EPHA4: variants seen among roughly 807,000 people sequenced by gnomAD.
The protein encoded by EPHA4 is ephrin type-A receptor 4.
Under a neutral mutation model 108.3 loss-of-function variants are expected in EPHA4, and 19 were observed. The ratio of observed to expected loss-of-function variants is 0.18; its 90% CI spans 0.12 to 0.26. The LOEUF is 0.26. Ranked by LOEUF, EPHA4 falls within the 10% of genes least tolerant of loss-of-function variation. The pLI is 1.00. For synonymous variants in EPHA4, 449 were observed against 455.5 expected, an observed-to-expected ratio of 0.99 and a Z score of 0.18; for missense variants, 917 against 1,254.0, an observed-to-expected ratio of 0.73 and a Z score of 4.06.
chr2:221,500,382 T>A (rs1167003849), intron 4 of EPHA4, among the ~76,000 whole-genome samples: 1 of 152,162 alleles, frequency 6.6e-6, no homozygotes, highest in African/African-American at 2.4e-5. Context: ...CAAGTGTACA[T>A]GAAAGGAATG....
chr2:221,499,747 TATATATA>T (rs1177097739), intron 4 of EPHA4, among the ~76,000 whole-genome samples: 2,365 of 56,428 alleles, frequency 0.042, 81 homozygotes, highest in African/African-American at 0.055. Flanking sequence ...TATATATATA[TATATATA>T]TATTTTTTTT....
intron 14 of EPHA4, among the ~76,000 whole-genome samples, chr2:221,433,812 C>A (rs925209800): frequency 6.6e-6 from 1 of 152,166 alleles, no homozygotes; most frequent in African/African-American, 2.4e-5. Context: ...TTTTCATAAT[C>A]TTTGCATTTT....
intron 4 of EPHA4, among the ~76,000 whole-genome samples, chr2:221,485,743 A>G (rs1691956500): frequency 1.3e-5 from 2 of 152,096 alleles, no homozygotes; most frequent in South Asian, 4.1e-4. Flanking sequence ...TTTCTCATTT[A>G]AAGGGAGGGC....
At chr2:221,453,033 T>A (rs1349255256) in intron 8 of EPHA4, among the ~76,000 whole-genome samples, 8 of 152,206 alleles carry the variant, frequency 5.3e-5, no homozygotes, top group Non-Finnish European at 1.2e-4. Flanking sequence ...TTCTCATTAC[T>A]CCAGTTTGAC....
At chr2:221,440,915 C>T (rs141445989) in intron 11 of EPHA4, among the ~76,000 whole-genome samples, 1 of 152,114 alleles carries the variant, frequency 6.6e-6, no homozygotes. Flanking sequence ...AAGCGTGATT[C>T]CCATACCAGC....
At chr2:221,441,077 T>C (rs1457042632) in intron 11 of EPHA4, among the ~76,000 whole-genome samples, 3 of 152,176 alleles carry the variant, frequency 2.0e-5, no homozygotes, top group Non-Finnish European at 4.4e-5. Flanking sequence ...CTGAACTGTA[T>C]AGTGTGTACT....
chr2:221,563,713 C>T lies in EPHA4; in HGVS notation c.823+18G>A. On this transcript the variant is annotated intron_variant, in intron 3 of 17. Transcript: ENST00000281821. ...GCACTAAGCCCCAGTGAAAAAACTG[C>T]AATATGGACCCTCTTACCTTGGCAT... 5 of 1,609,368 alleles carry T rather than the reference C, an allele frequency of 3.1e-6. No homozygotes were observed. Among genetic ancestry groups the T allele is most frequent in the Non-Finnish European group, 4.2e-6 (5 of 1,177,118 alleles).
At chr2:221,553,035 G>A (rs927134617) in intron 3 of EPHA4, among the ~76,000 whole-genome samples, 6 of 152,158 alleles carry the variant, frequency 3.9e-5, no homozygotes, top group Non-Finnish European at 8.8e-5. Context: ...CACATCATGA[G>A]GCTAGACAAG....
At position 221,478,297 on chromosome 2, in the gene EPHA4, G is replaced by T. The variant is rs182971208; in HGVS notation, c.1318+4055C>A. Among the ~76,000 whole-genome samples the T allele has an allele frequency of 3.3e-5, 5 of 152,202 alleles. No individual in the cohort carries two copies. In the East Asian group the frequency reaches 9.7e-4, roughly 29 times the overall value. ...TTATACAGTATTTCTCCCTCCTAGT[G>T]ACACATCCTGTATTCATTTGCCTGA... On this transcript the variant is annotated intron_variant, in intron 5 of 17. Coordinates refer to ENST00000281821, the MANE Select transcript of EPHA4 (RefSeq NM_004438.5).
chr2:221,523,875 C>T (rs758723351), intron 3 of EPHA4, among the ~76,000 whole-genome samples: 18 of 152,244 alleles, frequency 1.2e-4, no homozygotes, highest in Middle Eastern at 3.4e-3. Context: ...CATGAGCCAC[C>T]GTGCCCGGCC....
In EPHA4 at chr2:221,436,566, G is replaced by A. The variant is rs1690245918; in HGVS notation, c.2179C>T (p.Leu727Phe). The A allele has an allele frequency of 2.5e-6, 4 of 1,614,142 alleles. No homozygotes were observed. The highest frequency in any genetic ancestry group is 2.5e-6 in the Non-Finnish European group (3 of 1,180,020). The change falls in exon 13 of 18, where the codon CTT (leucine) becomes TTT (phenylalanine). Residue 727 changes from leucine to phenylalanine, a missense_variant. Physicochemically the swap from Leu to Phe is conservative, Grantham distance 22. Around this residue, in one of 3 missense-constraint regions of EPHA4, gnomAD observed 758 missense variants for 1,076.7 expected, o/e 0.70. Transcript: ENST00000281821. ...RFTVIQLVGM[L>F]RGIGSGMKYL... is the part of the protein sequence containing the mutation. ...TTCATCCCAGACCCAATGCCACGAA[G>A]CATGCCCACCAGCTGAATGACTGTA...
rs1470674194 is a variant in EPHA4, at chr2:221,564,338, C to T, written c.216G>A (p.Val72=). Residue 72 remains valine (V), a synonymous_variant, in exon 3 of 18, where the codon GTG becomes GTA. Coordinates refer to ENST00000281821, the MANE Select transcript of EPHA4 (RefSeq NM_004438.5). ...EKNTPIRTYQ[V]CNVMEPSQNN... is the part of the protein sequence containing the mutation. ...TCTGGCTGGGTTCCATCACATTGCA[C>T]ACTTGGTAGGTTCGGATTGGTGTAT... The T allele has an allele frequency of 1.2e-6, 2 of 1,614,024 alleles. No individual in the cohort carries two copies. Among genetic ancestry groups the T allele is most frequent in the Non-Finnish European group, 1.7e-6 (2 of 1,180,040 alleles).
In EPHA4 at chr2:221,498,618, G is replaced by GT. The variant is rs950143702; in HGVS notation, c.979+2398dup. Among the ~76,000 whole-genome samples, 206 of 145,886 alleles carry GT rather than the reference G, an allele frequency of 1.4e-3. 1 individual carries two copies. Among genetic ancestry groups the GT allele is most frequent in the South Asian group, 0.012 (54 of 4,578 alleles). ...GCCTATTTACAGTTTTTCTGTTTTC[G>GT]TTTTTTTTTTTCTAAGACAGGGTCT... is the stretch of plus-strand genomic sequence containing the variant. On this transcript the variant is annotated intron_variant, in intron 4 of 17. Transcript: ENST00000281821.
rs1456303816 is a variant in EPHA4 at position 221,471,683 on chromosome 2, G to C, written c.1318+10669C>G. On this transcript the variant is annotated intron_variant, in intron 5 of 17. Transcript: ENST00000281821. ...ACAATACATCTTTACATAATATAAGGGTTTCTTAAATATATTACCAGCCCC... is the reference window on the plus strand; with the variant it reads ...ACAATACATCTTTACATAATATAAGCGTTTCTTAAATATATTACCAGCCCC... 2.0e-5 allele frequency among the ~76,000 whole-genome samples: 3 copies of C among 151,960 alleles called. 1 individual carries two copies. The highest frequency in any genetic ancestry group is 4.4e-5 in the Non-Finnish European group (3 of 67,980).
At chr2:221,463,989 G>A (rs558095763) in intron 5 of EPHA4, among the ~76,000 whole-genome samples, 3 of 152,288 alleles carry the variant, frequency 2.0e-5, no homozygotes, top group African/African-American at 7.2e-5. Context: ...TGGAGGAGGT[G>A]AGCTAGGAAA....
chr2:221,561,944 C>A (rs1015679405), intron 3 of EPHA4, among the ~76,000 whole-genome samples: 2 of 152,144 alleles, frequency 1.3e-5, no homozygotes, highest in South Asian at 4.1e-4. Context: ...ACGGAAAAGG[C>A]AGAATAATTT....
intron 3 of EPHA4, among the ~76,000 whole-genome samples, chr2:221,519,252 T>C (rs977994440): frequency 6.6e-6 from 1 of 152,084 alleles, no homozygotes; most frequent in Non-Finnish European, 1.5e-5. Context: ...AAGCAGGATA[T>C]AACAAAACAT....
In EPHA4 at chr2:221,482,440, G is replaced by A; in HGVS notation, c.1230C>T (p.Thr410=). 6.2e-7 allele frequency: 1 copy of A among 1,614,116 alleles called. No homozygotes were observed. Among genetic ancestry groups the A allele is most frequent in the Non-Finnish European group, 8.5e-7 (1 of 1,179,980 alleles). ...ITDLLAHTNY[T]FEIWAVNGVS... is the part of the protein sequence containing the mutation. ...CTCCATTCACAGCCCAGATTTCAAA[G>A]GTGTAATTGGTATGAGCTAGGAGGT... The change falls in exon 5 of 18, where the codon ACC becomes ACT. Residue 410 remains threonine (T), a synonymous_variant. Transcript: ENST00000281821.
In EPHA4 at chr2:221,482,365, G is replaced by A. The variant is rs568062183; in HGVS notation, c.1305C>T (p.Thr435=). 130 of 1,602,796 alleles carry A rather than the reference G, an allele frequency of 8.1e-5. No homozygotes were observed. In the South Asian group the frequency reaches 1.4e-3, roughly 17 times the overall value. ...TTCAATTCCTACCTGCTTGGTTGGT[G>A]GTCACAGTGACAGAAACTGATTGGT... ...NPDQSVSVTV[T]TNQAAPSSIA... Residue 435 remains threonine (T), a synonymous_variant, in exon 5 of 18, where the codon ACC becomes ACT. Coordinates refer to ENST00000281821, the MANE Select transcript of EPHA4 (RefSeq NM_004438.5).
Sources: allele counts gnomAD v4.1 joint callset (sites outside exome capture counted in the v4.1 genomes callset), GRCh38; gene constraint gnomAD v4.1.1; regional missense constraint gnomAD v4.1.1; transcripts MANE v1.5; gene names NCBI Gene and HGNC (gene_info 2026-07-23, HGNC 2026-07-21).